Variants in NME9 observed in about 807,000 individuals in gnomAD.
NME9 encodes the protein NME/NM23 family member 9.
Under a neutral mutation model 44.4 loss-of-function variants are expected in NME9, and 48 were observed. The observed-to-expected ratio is 1.08, with a 90% CI of 0.86 to 1.37. The LOEUF (loss-of-function observed/expected upper bound fraction) is 1.37. NME9 is among the 40% of genes most tolerant of loss of function. The pLI, the probability that NME9 is intolerant of heterozygous loss-of-function variation, is 0.00. For synonymous variants in NME9, 139 were observed against 147.1 expected (o/e 0.94, Z 0.40); for missense variants, 325 against 405.2 (o/e 0.80, Z 1.70).
Position 138,306,057 on chromosome 3 carries a change from T to C in NME9, c.583A>G (p.Arg195Gly), listed in dbSNP as rs2108433962. ...AGFEILTNEE[R>G]TMTEAEVRLF... is the part of the protein sequence containing the mutation. ...CGCACTTCTGCCTCTGTCATGGTTC[T>C]CTCTTCATTTGTTAGAATTTCAAAC... The change falls in exon 8 of 11, where the codon AGA becomes GGA. Residue 195 changes from arginine to glycine, a missense_variant. Arg to Gly is a moderately radical substitution (Grantham distance 125). Coordinates refer to ENST00000333911, the MANE Select transcript of NME9 (RefSeq NM_001349018.2). 6.2e-7 allele frequency: 1 copy of C among 1,613,752 alleles called. No homozygotes were observed. The highest frequency in any genetic ancestry group is 8.5e-7 in the Non-Finnish European group (1 of 1,179,604).
At chr3:138,264,261 GTGAGC>G in intron 8 of NME9, 1 of 1,476,604 alleles carries the variant, frequency 6.8e-7, no homozygotes, top group Non-Finnish European at 9.5e-7. Flanking sequence ...AGACCCTAGA[GTGAGC>G]TGAGCTAGCT....
chr3:138,295,587 G>A (rs2051410169), intron 8 of NME9, among the ~76,000 whole-genome samples: 1 of 152,180 alleles, frequency 6.6e-6, no homozygotes, highest in African/African-American at 2.4e-5. Flanking sequence ...CACATACCAG[G>A]GACTGTGGAA....
intron 8 of NME9, among the ~76,000 whole-genome samples, chr3:138,283,384 G>A (rs890464086): frequency 6.6e-6 from 1 of 152,198 alleles, no homozygotes; most frequent in African/African-American, 2.4e-5. Context: ...TCCTGACTGG[G>A]TTCCAGGACT....
At position 138,326,077 on chromosome 3, in the gene NME9, A is replaced by G. The variant is rs540823337; in HGVS notation, c.34-1147T>C. Among the ~76,000 whole-genome samples the G allele has an allele frequency of 3.3e-5, 5 of 152,296 alleles. No individual in the cohort carries two copies. The South Asian group carries it at 6.2e-4, about 19-fold the overall frequency. On this transcript the variant is annotated intron_variant, in intron 1 of 10. Coordinates refer to ENST00000333911, the MANE Select transcript of NME9 (RefSeq NM_001349018.2). ...CTTTAGTCTTTCTCTTCTTTTCACAATGTTGACACTTTGGAAAACTACATG... is the reference window on the plus strand; with the variant it reads ...CTTTAGTCTTTCTCTTCTTTTCACAGTGTTGACACTTTGGAAAACTACATG...
At chr3:138,298,881 G>A (rs916311534), downstream of NME9, among the ~76,000 whole-genome samples, 6 of 152,206 alleles carry the variant, frequency 3.9e-5, no homozygotes, top group African/African-American at 1.4e-4. Context: ...GCGCCAGAGT[G>A]GCGGGAGGAT....
intron 8 of NME9, among the ~76,000 whole-genome samples, chr3:138,269,097 C>T (rs2048545972): frequency 6.6e-6 from 1 of 152,160 alleles, no homozygotes; most frequent in Non-Finnish European, 1.5e-5. Flanking sequence ...GATAAATTAA[C>T]AATGGCAAAT....
downstream of NME9, among the ~76,000 whole-genome samples, chr3:138,299,434 CAG>C (rs1469130807): frequency 6.6e-6 from 1 of 152,194 alleles, no homozygotes; most frequent in Non-Finnish European, 1.5e-5. Context: ...AAGCCAAAAA[CAG>C]CACCCATCCT....
intron 8 of NME9, chr3:138,263,588 G>A (rs1479223771): frequency 2.0e-5 from 14 of 698,124 alleles, no homozygotes; most frequent in Non-Finnish European, 2.5e-5. Context: ...TGAGCTGCCC[G>A]CCCCCAGCGC....
intron 6 of NME9, among the ~76,000 whole-genome samples, chr3:138,308,357 T>G (rs1560102616): frequency 6.6e-6 from 1 of 152,196 alleles, no homozygotes; most frequent in African/African-American, 2.4e-5. Context: ...AATTCTGGTT[T>G]TCCCTCATGT....
At chr3:138,268,133 C>T (rs1232542364) in intron 8 of NME9, among the ~76,000 whole-genome samples, 3 of 152,048 alleles carry the variant, frequency 2.0e-5, no homozygotes, top group African/African-American at 7.2e-5. Context: ...ATCCCAGCTA[C>T]TCGGGAGGCT....
At chr3:138,277,188 T>C (rs1221716892) in intron 8 of NME9, among the ~76,000 whole-genome samples, 1 of 152,142 alleles carries the variant, frequency 6.6e-6, no homozygotes, top group African/African-American at 2.4e-5. Context: ...AAGAATGGTC[T>C]TTTCAAGAAA....
At chr3:138,303,083 T>A (rs1577114661) in intron 10 of NME9, among the ~76,000 whole-genome samples, 1 of 152,232 alleles carries the variant, frequency 6.6e-6, no homozygotes, top group South Asian at 2.1e-4. Context: ...AGGCTCCAGG[T>A]TGAGGGCCCT....
At chr3:138,265,293 A>G (rs529354879) in intron 8 of NME9, among the ~76,000 whole-genome samples, 39 of 152,318 alleles carry the variant, frequency 2.6e-4, no homozygotes, top group African/African-American at 8.4e-4. Flanking sequence ...ATGAATCTGA[A>G]TCAAGACTTA....
chr3:138,263,656 G>T, intron 8 of NME9: 2 of 1,172,164 alleles, frequency 1.7e-6, no homozygotes, highest in South Asian at 1.2e-5. Flanking sequence ...ACTTTTAATG[G>T]ATGTTAACAT....
At position 138,318,084 on chromosome 3, in the gene NME9, C is replaced by A. The variant is rs2053210549; in HGVS notation, c.267+64G>T. The A allele has an allele frequency of 9.0e-6, 9 of 998,844 alleles. 1 individual carries two copies. The South Asian group carries it at 1.1e-4, about 13-fold the overall frequency. The allele number at this position is 998,844 out of a possible 1,614,324, so 61.9% of individuals were successfully genotyped here. A position where few individuals can be genotyped will look rare whatever the true frequency, so the allele number is the denominator to read the frequency against. ...AGAGTGAATTAATGTCAGTGAGATG[C>A]TTCTATTTTGAACTCTAATGATTTG... On this transcript the variant is annotated intron_variant, in intron 4 of 10. Transcript: ENST00000333911.
At chr3:138,300,018 C>A (rs150065900), downstream of NME9, among the ~76,000 whole-genome samples, 112 of 152,270 alleles carry the variant, frequency 7.4e-4, no homozygotes, top group African/African-American at 2.5e-3. Flanking sequence ...TGGGCACAGA[C>A]CATATGGGCC....
intron 8 of NME9, among the ~76,000 whole-genome samples, chr3:138,288,781 G>A (rs1391493353): frequency 5.3e-5 from 8 of 151,618 alleles, no homozygotes; most frequent in Non-Finnish European, 1.2e-4. Flanking sequence ...GAGATTACAG[G>A]CGCCCGCCAC....
intron 8 of NME9, chr3:138,267,020 T>C: frequency 1.9e-6 from 1 of 538,068 alleles, no homozygotes; most frequent in South Asian, 3.2e-5. Flanking sequence ...ATCAAGTGGA[T>C]TCTTCCTATC....
intron 8 of NME9, among the ~76,000 whole-genome samples, chr3:138,279,695 A>AC (rs2049685733): frequency 6.6e-6 from 1 of 152,166 alleles, no homozygotes; most frequent in South Asian, 2.1e-4. Context: ...AAGGTGTTTA[A>AC]CTACAAATTC....
Sources: allele counts gnomAD v4.1 joint callset (sites outside exome capture counted in the v4.1 genomes callset), GRCh38; gene constraint gnomAD v4.1.1; transcripts MANE v1.5; gene names NCBI Gene and HGNC (gene_info 2026-07-23, HGNC 2026-07-21).